The following NETO1 variants were observed in gnomAD, a reference collection of about 807,000 sequenced individuals.
The protein encoded by NETO1 is neuropilin and tolloid-like protein 1.
In NETO1, 26 loss-of-function variants were observed where a neutral mutation model predicts 61.3. That is an observed-to-expected ratio of 0.42 (90% CI 0.31 to 0.59). The LOEUF is 0.59. NETO1 is among the 20% of genes least tolerant of loss of function. NETO1 has a pLI of 0.12. For synonymous variants in NETO1, 225 were observed against 225.8 expected (o/e 1.00, Z 0.03); for missense variants, 531 against 662.8 (o/e 0.80, Z 2.18).
intron 7 of NETO1, among the ~76,000 whole-genome samples, chr18:72,781,467 A>G (rs550346179): frequency 2.1e-4 from 32 of 152,262 alleles, no homozygotes; most frequent in African/African-American, 7.7e-4. Flanking sequence ...AAAATGCACT[A>G]CCTCTAACAT....
intron 3 of NETO1, among the ~76,000 whole-genome samples, chr18:72,860,825 A>C (rs1239256320): frequency 6.6e-6 from 1 of 152,158 alleles, no homozygotes; most frequent in Non-Finnish European, 1.5e-5. Context: ...TAAAACAAAA[A>C]GGCAAATCTG....
intron 6 of NETO1, among the ~76,000 whole-genome samples, chr18:72,788,822 A>T (rs963985931): frequency 2.0e-5 from 3 of 152,172 alleles, no homozygotes; most frequent in Admixed American, 6.5e-5. Flanking sequence ...TTTACTAAGT[A>T]ATATATTCAC....
At chr18:72,788,882 CA>C (rs1191441000) in intron 6 of NETO1, among the ~76,000 whole-genome samples, 1 of 152,064 alleles carries the variant, frequency 6.6e-6, no homozygotes, top group East Asian at 1.9e-4. Flanking sequence ...CCCCTCATAT[CA>C]AAATGATATA....
intron 7 of NETO1, among the ~76,000 whole-genome samples, chr18:72,772,862 T>G (rs1313543535): frequency 9.9e-6 from 1 of 100,856 alleles, no homozygotes; most frequent in Admixed American, 1.1e-4. Flanking sequence ...TATATATATA[T>G]ATATATATAT....
chr18:72,860,524 C>T (rs903113947), intron 3 of NETO1, among the ~76,000 whole-genome samples: 1 of 152,008 alleles, frequency 6.6e-6, no homozygotes, highest in Non-Finnish European at 1.5e-5. Context: ...AATTAAATAT[C>T]AACAGTTTAA....
rs2070444085 is a variant in NETO1, at chr18:72,746,916, G to C, written c.*1263C>G. Among the ~76,000 whole-genome samples, 1 of 151,860 alleles carries C rather than the reference G, an allele frequency of 6.6e-6. No individual in the cohort carries two copies. The highest frequency in any genetic ancestry group is 1.5e-5 in the Non-Finnish European group (1 of 67,898). On this transcript the variant is annotated 3_prime_UTR_variant, in exon 11 of 11. Transcript: ENST00000327305. ...AATATATTTTAGGATTTTACTTTAT[G>C]TTAAACACATCATAATCACTAAGCT...
At chr18:72,802,214 C>G (rs1221864918) in intron 4 of NETO1, among the ~76,000 whole-genome samples, 1 of 150,830 alleles carries the variant, frequency 6.6e-6, no homozygotes, top group Non-Finnish European at 1.5e-5. Context: ...CTCTAAAAGC[C>G]AAATGTCACT....
In NETO1 at chr18:72,750,230, A is replaced by G; in HGVS notation, c.1373T>C (p.Met458Thr). The G allele has an allele frequency of 6.2e-7, 1 of 1,614,068 alleles. No homozygotes were observed. The highest frequency in any genetic ancestry group is 8.5e-7 in the Non-Finnish European group (1 of 1,179,988). ...STRDASILTE[M>T]PTQPGKPLIP... is the part of the protein sequence containing the mutation. ...GAGGGGTTTTCCTGGCTGTGTGGGC[A>G]TCTCTGTCAAGATAGAAGCATCTCT... is the stretch of plus-strand genomic sequence containing the variant. Residue 458 changes from methionine to threonine, a missense_variant, in exon 9 of 11, where the codon ATG becomes ACG. Physicochemically the swap from Met to Thr is moderately conservative, Grantham distance 81. Transcript: ENST00000327305.
Position 72,766,207 on chromosome 18 carries a change from G to GA in NETO1, c.869-10061dup, listed in dbSNP as rs1272001676. On this transcript the variant is annotated intron_variant, in intron 7 of 10. Coordinates refer to ENST00000327305, the MANE Select transcript of NETO1 (RefSeq NM_138966.5). ...GGTGACAGAGTGAGACTCAGTCTCA[G>GA]AAAAAAAAAAATATGTGTGTGTGTG... is the stretch of plus-strand genomic sequence containing the variant. Among the ~76,000 whole-genome samples the GA allele has an allele frequency of 4.7e-4, 56 of 119,210 alleles. No homozygotes were observed. In the East Asian group the frequency reaches 5.7e-3, roughly 12 times the overall value. The allele number at this position is 119,210 out of a possible 152,430, so 78.2% of individuals were successfully genotyped here. A position where few individuals can be genotyped will look rare whatever the true frequency, so the allele number is the denominator to read the frequency against.
At position 72,867,494 on chromosome 18, in the gene NETO1, G is replaced by A. The variant is rs942888376; in HGVS notation, c.-203C>T. 7.6e-6 allele frequency: 3 copies of A among 395,852 alleles called. No individual in the cohort carries two copies. Among genetic ancestry groups the A allele is most frequent in the Non-Finnish European group, 1.3e-5 (3 of 223,858 alleles). 24.5% of individuals were successfully genotyped at this position (395,852 alleles called of 1,614,324 possible). A position where few individuals can be genotyped will look rare whatever the true frequency, so the allele number is the denominator to read the frequency against. On this transcript the variant is annotated 5_prime_UTR_variant, in exon 1 of 11. Coordinates refer to ENST00000327305, the MANE Select transcript of NETO1 (RefSeq NM_138966.5). ...CCAGATCCGGATGAGTCCGTCCTCC[G>A]CCCCGGGCGGGCTCTCGCTCTCGCT...
At chr18:72,763,609 AC>A in intron 7 of NETO1, among the ~76,000 whole-genome samples, 1 of 151,564 alleles carries the variant, frequency 6.6e-6, no homozygotes, top group Admixed American at 6.6e-5. Context: ...AAACACACAC[AC>A]CATTCACACA....
At chr18:72,827,265 C>T (rs533146719) in intron 4 of NETO1, among the ~76,000 whole-genome samples, 3 of 152,170 alleles carry the variant, frequency 2.0e-5, no homozygotes, top group East Asian at 1.9e-4. Context: ...CTTTATGCAA[C>T]GTGAGTGACA....
At chr18:72,812,044 T>G (rs1222607976) in intron 4 of NETO1, among the ~76,000 whole-genome samples, 1 of 152,194 alleles carries the variant, frequency 6.6e-6, no homozygotes, top group East Asian at 1.9e-4. Flanking sequence ...AAACCGCAAT[T>G]GTAAGTGTGA....
chr18:72,791,282 C>T (rs2072107407), intron 6 of NETO1, among the ~76,000 whole-genome samples: 1 of 152,184 alleles, frequency 6.6e-6, no homozygotes, highest in African/African-American at 2.4e-5. Context: ...CTATTCAGCA[C>T]TTTCTTTGTG....
At chr18:72,792,280 A>C (rs895572508) in intron 6 of NETO1, among the ~76,000 whole-genome samples, 1 of 152,122 alleles carries the variant, frequency 6.6e-6, no homozygotes, top group African/African-American at 2.4e-5. Flanking sequence ...AAAAATACAA[A>C]AAAAGTTAGC....
intron 1 of NETO1, chr18:72,866,688 G>C (rs2074743631): frequency 2.0e-6 from 2 of 980,198 alleles, no homozygotes; most frequent in Non-Finnish European, 1.2e-6. Context: ...TCGATGACTC[G>C]TGATACTATT....
intron 4 of NETO1, among the ~76,000 whole-genome samples, chr18:72,841,284 A>T (rs547326684): frequency 7.8e-4 from 119 of 152,290 alleles, no homozygotes; most frequent in Middle Eastern, 3.4e-3. Flanking sequence ...GGCAGGATGA[A>T]ATGGTTTCTG....
intron 7 of NETO1, among the ~76,000 whole-genome samples, chr18:72,767,984 TTC>T (rs1401128093): frequency 6.6e-6 from 1 of 152,236 alleles, no homozygotes; most frequent in Non-Finnish European, 1.5e-5. Flanking sequence ...CTGTGATGTT[TTC>T]TCTGTTTTAC....
chr18:72,771,413 G>A (rs1458640495), intron 7 of NETO1, among the ~76,000 whole-genome samples: 1 of 152,110 alleles, frequency 6.6e-6, no homozygotes, highest in Non-Finnish European at 1.5e-5. Context: ...CAGAATACCA[G>A]ATATAAATGA....
Sources: allele counts gnomAD v4.1 joint callset (sites outside exome capture counted in the v4.1 genomes callset), GRCh38; gene constraint gnomAD v4.1.1; transcripts MANE v1.5; gene names NCBI Gene and HGNC (gene_info 2026-07-23, HGNC 2026-07-21).